The following KCNJ15 variants were observed in gnomAD, a reference collection of about 807,000 sequenced individuals.
KCNJ15 encodes the protein potassium inwardly rectifying channel subfamily J member 15.
In KCNJ15, 14 loss-of-function variants were observed where a neutral mutation model predicts 23.0. That is an observed-to-expected ratio of 0.61 (90% CI 0.40 to 0.95). The LOEUF is 0.95. Among genes scored for constraint, KCNJ15 ranks in the 40% least tolerant of loss-of-function variants. KCNJ15 has a pLI of 0.00. For missense variants in KCNJ15, 388 were observed against 461.8 expected, an observed-to-expected ratio of 0.84 and a Z score of 1.46; for synonymous variants, 185 against 183.2, an observed-to-expected ratio of 1.01 and a Z score of -0.08.
At chr21:38,274,894 T>C (rs1056388250) in intron 1 of KCNJ15, among the ~76,000 whole-genome samples, 2 of 152,188 alleles carry the variant, frequency 1.3e-5, no homozygotes, top group African/African-American at 4.8e-5. Flanking sequence ...TATTTTTCTT[T>C]TTTTTGCAGT....
chr21:38,287,951 A>G (rs2836289), intron 1 of KCNJ15, among the ~76,000 whole-genome samples: 99,180 of 150,774 alleles, frequency 0.66, 33,323 homozygotes, highest in Non-Finnish European at 0.73. Context: ...AATGTGGTCA[A>G]AATGTAGACT....
chr21:38,292,351 T>G (rs977134482), intron 1 of KCNJ15, among the ~76,000 whole-genome samples: 1 of 152,158 alleles, frequency 6.6e-6, no homozygotes, highest in African/African-American at 2.4e-5. Context: ...ATCAATGACC[T>G]AATGACAGTG....
chr21:38,260,232 G>C (rs912013865), intron 1 of KCNJ15, among the ~76,000 whole-genome samples: 2 of 152,176 alleles, frequency 1.3e-5, no homozygotes, highest in Non-Finnish European at 2.9e-5. Context: ...AGGCGAGAAA[G>C]TTGAACTTGA....
chr21:38,238,901 C>T (rs1452858046), intron 1 of KCNJ15, among the ~76,000 whole-genome samples: 1 of 152,322 alleles, frequency 6.6e-6, no homozygotes, highest in East Asian at 1.9e-4. Flanking sequence ...CATTTTTGTA[C>T]TCAGATGTTG....
In KCNJ15 at chr21:38,304,907, A is replaced by C. The variant is rs11910481; in HGVS notation, c.*4518A>C. On this transcript the variant is annotated 3_prime_UTR_variant, in exon 3 of 3. Coordinates refer to ENST00000398938, the MANE Select transcript of KCNJ15 (RefSeq NM_170736.3). ...TGTTAACCAGGATGGTCTCGATCTC[A>C]TGACCTCGTGATCTGCCCGCCTACA... 150,307 of 150,310 alleles carry C rather than the reference A, an allele frequency of 1. 75,152 individuals carry two copies. The highest frequency in any genetic ancestry group is 1 in the Middle Eastern group (308 of 308). 9.3% of individuals were successfully genotyped at this position (150,310 alleles called of 1,614,324 possible).
intron 1 of KCNJ15, among the ~76,000 whole-genome samples, chr21:38,277,393 C>T (rs764219089): frequency 6.6e-6 from 1 of 152,092 alleles, no homozygotes; most frequent in South Asian, 2.1e-4. Context: ...ATTTTGTGCA[C>T]GTGCGTTTAG....
At chr21:38,269,198 C>A (rs1163270367) in intron 1 of KCNJ15, among the ~76,000 whole-genome samples, 2 of 152,184 alleles carry the variant, frequency 1.3e-5, no homozygotes, top group African/African-American at 4.8e-5. Context: ...TTTCTAAGGA[C>A]CTGATTCCCT....
upstream of KCNJ15, among the ~76,000 whole-genome samples, chr21:38,254,694 T>C (rs1207031652): frequency 6.6e-6 from 1 of 152,208 alleles, no homozygotes; most frequent in Admixed American, 6.5e-5. Flanking sequence ...GAGCTTCAAT[T>C]CATCGCTCTG....
At chr21:38,287,105 C>T (rs1265234098) in intron 1 of KCNJ15, among the ~76,000 whole-genome samples, 1 of 152,156 alleles carries the variant, frequency 6.6e-6, no homozygotes, top group Non-Finnish European at 1.5e-5. Flanking sequence ...TGTTTAAACA[C>T]TTTATTCTGA....
At chr21:38,259,112 G>C (rs767484208) in intron 1 of KCNJ15, among the ~76,000 whole-genome samples, 2 of 152,140 alleles carry the variant, frequency 1.3e-5, no homozygotes, top group Non-Finnish European at 2.9e-5. Flanking sequence ...CTTTAGGCAC[G>C]GAATAGAGAG....
chr21:38,242,282 A>G (rs1261037602), intron 1 of KCNJ15, among the ~76,000 whole-genome samples: 1 of 152,202 alleles, frequency 6.6e-6, no homozygotes, highest in African/African-American at 2.4e-5. Flanking sequence ...CACTTCCCAA[A>G]TCAACTTGAA....
At position 38,299,329 on chromosome 21, in the gene KCNJ15, AG is replaced by A; in HGVS notation, c.70del (p.Ala24ProfsTer15). 1 of 1,614,160 alleles carries A rather than the reference AG, an allele frequency of 6.2e-7. No individual in the cohort carries two copies. The highest frequency in any genetic ancestry group is 8.5e-7 in the Non-Finnish European group (1 of 1,179,996). On this transcript the variant is annotated frameshift_variant, in exon 3 of 3. Transcript: ENST00000398938. LOFTEE classifies it high-confidence loss of function. The surrounding 1 kb of genome is among the most constrained non-coding windows in gnomAD (Gnocchi z 4.5). Reference protein sequence around the residue: ...LVKHTAGAGLKANRPRVMSKS... With the variant: ...LVKHTAGAGLXANRPRVMSKS... Reference sequence around the variant, plus strand: ...AAGCACACTGCTGGGGCTGGGCTCAAGGCCAACAGACCCCGCGTCATGTCCA... The same window carrying A: ...AAGCACACTGCTGGGGCTGGGCTCAAGCCAACAGACCCCGCGTCATGTCCA...
upstream of KCNJ15, among the ~76,000 whole-genome samples, chr21:38,253,759 T>A (rs1181473320): frequency 6.6e-6 from 1 of 152,214 alleles, no homozygotes; most frequent in African/African-American, 2.4e-5. Context: ...TCTTGTGAAC[T>A]CTTCTGCCCA....
intron 1 of KCNJ15, among the ~76,000 whole-genome samples, chr21:38,248,679 A>C (rs1265729252): frequency 6.6e-6 from 1 of 152,204 alleles, no homozygotes; most frequent in East Asian, 1.9e-4. Context: ...CCCACAATTC[A>C]AACATGAGAG....
upstream of KCNJ15, among the ~76,000 whole-genome samples, chr21:38,251,830 A>G (rs1979861190): frequency 6.6e-6 from 1 of 152,198 alleles, no homozygotes; most frequent in African/African-American, 2.4e-5. Context: ...GTCACCTTAC[A>G]AAGGAATGAC....
chr21:38,263,904 TACAC>T (rs58793003), intron 1 of KCNJ15, among the ~76,000 whole-genome samples: 3 of 150,148 alleles, frequency 2.0e-5, no homozygotes, highest in African/African-American at 7.3e-5. Context: ...CAAAGATACA[TACAC>T]ACACACACAC....
chr21:38,277,096 A>G (rs1452180792), intron 1 of KCNJ15, among the ~76,000 whole-genome samples: 3 of 148,596 alleles, frequency 2.0e-5, no homozygotes, highest in African/African-American at 4.9e-5. Context: ...ACCAAAAAAG[A>G]AAAAAAAAAG....
rs1302561248 is a variant in KCNJ15 at position 38,246,743 on chromosome 21, G to C, written c.-398-10303G>C. Among the ~76,000 whole-genome samples, 8 of 152,164 alleles carry C rather than the reference G, an allele frequency of 5.3e-5. No homozygotes were observed. The East Asian group carries it at 1.5e-3, about 29-fold the overall frequency. On this transcript the variant is annotated intron_variant, in intron 1 of 4. Transcript: ENST00000547341. Reference sequence around the variant, plus strand: ...ATTACCACAATACTTGCACCTGGCTGGTATGAGGAGTGTGTGTGTGGGTTA... The same window carrying C: ...ATTACCACAATACTTGCACCTGGCTCGTATGAGGAGTGTGTGTGTGGGTTA...
In KCNJ15 at chr21:38,299,191, T is replaced by C; in HGVS notation, c.-18-53T>C. Reference sequence around the variant, plus strand: ...TACTTCACATGATGATTCTATTTTCTGGAAGTTCCACCACATATGGCGATA... The same window carrying C: ...TACTTCACATGATGATTCTATTTTCCGGAAGTTCCACCACATATGGCGATA... On this transcript the variant is annotated intron_variant, in intron 2 of 2. Coordinates refer to ENST00000398938, the MANE Select transcript of KCNJ15 (RefSeq NM_170736.3). This position sits in a 1 kb window ranked among gnomAD's most constrained non-coding sequence, Gnocchi z 4.5. 1 of 1,329,400 alleles carries C rather than the reference T, an allele frequency of 7.5e-7. No homozygotes were observed. Among genetic ancestry groups the C allele is most frequent in the Non-Finnish European group, 1.0e-6 (1 of 956,288 alleles). The allele number at this position is 1,329,400 out of a possible 1,614,324, so 82.4% of individuals were successfully genotyped here. A position where few individuals can be genotyped will look rare whatever the true frequency, so the allele number is the denominator to read the frequency against.
Sources: gnomAD v4.1 joint callset for allele counts (sites outside exome capture counted in the v4.1 genomes callset) on GRCh38, gnomAD v4.1.1 for gene constraint, Gnocchi (gnomAD v3.1) non-coding constraint, MANE v1.5 for transcripts, NCBI Gene and HGNC (gene_info 2026-07-23, HGNC 2026-07-21) for gene names.